ESR1: variants seen among roughly 807,000 people sequenced by gnomAD.
The protein encoded by ESR1 is estrogen receptor.
Under a neutral mutation model 52.7 loss-of-function variants are expected in ESR1, and 12 were observed. That is an observed-to-expected ratio of 0.23 (90% CI 0.15 to 0.37). The LOEUF (loss-of-function observed/expected upper bound fraction) is 0.37, where lower values mean the gene tolerates loss of function less well. ESR1 is among the 10% of genes least tolerant of loss of function. The probability of loss-of-function intolerance (pLI) is 1.00; values close to 1 mark genes in which losing one functional copy is unlikely to be tolerated. For missense variants in ESR1, 584 were observed against 779.7 expected, an observed-to-expected ratio of 0.75 and a Z score of 2.99; for synonymous variants, 305 against 316.8, an observed-to-expected ratio of 0.96 and a Z score of 0.39.
chr6:151,952,466 A>G (rs1438758384), intron 4 of ESR1, among the ~76,000 whole-genome samples: 2 of 151,294 alleles, frequency 1.3e-5, no homozygotes, highest in South Asian at 2.1e-4. Context: ...TATTCCCTGA[A>G]CTCCCTTCTC....
intron 1 of ESR1, among the ~76,000 whole-genome samples, chr6:151,662,301 T>C (rs909569846): frequency 6.6e-6 from 1 of 152,242 alleles, no homozygotes; most frequent in Non-Finnish European, 1.5e-5. Flanking sequence ...ATTTGGTTTA[T>C]GTGCAACAAT....
chr6:151,671,020 G>A (rs1395906752), intron 1 of ESR1, among the ~76,000 whole-genome samples: 3 of 152,016 alleles, frequency 2.0e-5, no homozygotes, highest in Admixed American at 6.6e-5. Flanking sequence ...TGCCTGCCTC[G>A]GCCTCCAAAA....
At chr6:151,906,720 T>A (rs1255982726) in intron 3 of ESR1, among the ~76,000 whole-genome samples, 1 of 147,074 alleles carries the variant, frequency 6.8e-6, no homozygotes, top group Non-Finnish European at 1.5e-5. Flanking sequence ...GCAGCTTGAC[T>A]TTGCTTTATG....
chr6:151,872,729 A>G (rs556031267), intron 2 of ESR1, among the ~76,000 whole-genome samples: 44 of 152,272 alleles, frequency 2.9e-4, no homozygotes, highest in African/African-American at 1.0e-3. Flanking sequence ...ACAGTAGATA[A>G]TGTGGGTGGT....
chr6:151,678,687 G>GTTTTTTT (rs565751558), intron 1 of ESR1, among the ~76,000 whole-genome samples: 1 of 141,660 alleles, frequency 7.1e-6, no homozygotes. Context: ...CAAACCACTG[G>GTTTTTTT]TTTTTTTTTT....
At chr6:151,843,714 G>A (rs956586723) in intron 2 of ESR1, among the ~76,000 whole-genome samples, 1 of 152,074 alleles carries the variant, frequency 6.6e-6, no homozygotes, top group Non-Finnish European at 1.5e-5. Flanking sequence ...ATTTCTGATG[G>A]AGTTTTCATG....
intron 5 of ESR1, among the ~76,000 whole-genome samples, chr6:152,051,028 C>G (rs1348681124): frequency 1.3e-5 from 2 of 152,182 alleles, no homozygotes; most frequent in Admixed American, 1.3e-4. Flanking sequence ...CCTCTAGGAA[C>G]TCTACCAGCA....
At chr6:152,077,559 C>T (rs1487696698) in intron 6 of ESR1, among the ~76,000 whole-genome samples, 2 of 152,224 alleles carry the variant, frequency 1.3e-5, no homozygotes, top group Non-Finnish European at 2.9e-5. Flanking sequence ...GCCACAGACA[C>T]TCAACGCCAG....
chr6:151,840,013 G>A (rs532360816), intron 1 of ESR1, among the ~76,000 whole-genome samples: 1 of 152,236 alleles, frequency 6.6e-6, no homozygotes, highest in South Asian at 2.1e-4. Flanking sequence ...GGCGTGGGTG[G>A]GAAGATACTT....
intron 2 of ESR1, among the ~76,000 whole-genome samples, chr6:151,793,484 A>G (rs1174891300): frequency 6.6e-6 from 1 of 152,228 alleles, no homozygotes; most frequent in East Asian, 1.9e-4. Context: ...TATATAAATT[A>G]GTCATATAGT....
rs776392095 is a variant in ESR1, at chr6:151,811,013, G to A, written c.452+2649G>A. On this transcript the variant is annotated intron_variant, in intron 1 of 7. Transcript: ENST00000206249. ...TTCTTAACTTTTCTATTGTAGAATG[G>A]TGCTGTCATGTGGACTGTCCTCCCG... is the stretch of plus-strand genomic sequence containing the variant. 6 of 152,142 alleles carry A rather than the reference G, an allele frequency of 3.9e-5. No homozygotes were observed. The East Asian group carries it at 7.7e-4, about 20-fold the overall frequency. The allele number at this position is 152,142 out of a possible 1,614,324, so 9.4% of individuals were successfully genotyped here. A position where few individuals can be genotyped will look rare whatever the true frequency, so the allele number is the denominator to read the frequency against.
intron 4 of ESR1, among the ~76,000 whole-genome samples, chr6:151,979,269 G>A (rs377196055): frequency 2.0e-4 from 31 of 152,220 alleles, no homozygotes; most frequent in African/African-American, 7.0e-4. Context: ...CATTCCAGCC[G>A]ATAGCAATTA....
At chr6:152,005,892 G>A (rs2042290387) in intron 4 of ESR1, among the ~76,000 whole-genome samples, 2 of 152,052 alleles carry the variant, frequency 1.3e-5, no homozygotes, top group South Asian at 4.1e-4. Flanking sequence ...CTAGTCCTCA[G>A]GCCTGTGGAC....
intron 2 of ESR1, among the ~76,000 whole-genome samples, chr6:151,762,648 C>T (rs1277895719): frequency 6.6e-6 from 1 of 152,086 alleles, no homozygotes; most frequent in Non-Finnish European, 1.5e-5. Context: ...CAAAAGTGAC[C>T]ATTAATAATC....
At chr6:152,095,129 C>T (rs748206521) in intron 7 of ESR1, among the ~76,000 whole-genome samples, 4 of 152,298 alleles carry the variant, frequency 2.6e-5, no homozygotes, top group South Asian at 4.1e-4. Context: ...AATCTAGATC[C>T]TTTCTAGATC....
chr6:151,815,105 T>A (rs1038990279), intron 1 of ESR1, among the ~76,000 whole-genome samples: 2 of 152,230 alleles, frequency 1.3e-5, no homozygotes, highest in African/African-American at 2.4e-5. Flanking sequence ...GGTAACAGTT[T>A]CGAAAGCAAC....
chr6:151,728,354 G>A lies in ESR1; in HGVS notation c.-71+26349G>A, dbSNP rs866839935. ...TATGAGAAAGAAGAAAGTTCACTCT[G>A]ACATCCTGTAAATGGAAAATTCAAC... On this transcript the variant is annotated intron_variant, in intron 2 of 2. Coordinates refer to the ESR1 transcript ENST00000404742. Among the ~76,000 whole-genome samples the A allele has an allele frequency of 3.9e-5, 6 of 152,184 alleles. No homozygotes were observed. The South Asian group carries it at 1.2e-3, about 32-fold the overall frequency.
chr6:152,051,102 A>C (rs1012121079), intron 5 of ESR1, among the ~76,000 whole-genome samples: 2 of 151,928 alleles, frequency 1.3e-5, no homozygotes, highest in Middle Eastern at 3.4e-3. Context: ...CACTTCTCCC[A>C]CCCCTTATTT....
intron 2 of ESR1, among the ~76,000 whole-genome samples, chr6:151,778,625 C>T (rs1009995231): frequency 7.9e-5 from 12 of 151,934 alleles, no homozygotes; most frequent in Admixed American, 2.0e-4. Context: ...AGGCTGGTCT[C>T]GAACTCCTAA....
Sources: gnomAD v4.1 joint callset for allele counts (sites outside exome capture counted in the v4.1 genomes callset) on GRCh38, gnomAD v4.1.1 for gene constraint, MANE v1.5 for transcripts, NCBI Gene and HGNC (gene_info 2026-07-23, HGNC 2026-07-21) for gene names.